Variants in PTH1R observed in about 807,000 individuals in gnomAD.
PTH1R encodes the protein parathyroid hormone/parathyroid hormone-related peptide receptor.
A neutral mutation model predicts 70.7 loss-of-function variants in PTH1R; 32 were observed. The ratio of observed to expected loss-of-function variants is 0.45; its 90% CI spans 0.34 to 0.61. The LOEUF (loss-of-function observed/expected upper bound fraction) is 0.61. PTH1R is among the 20% of genes least tolerant of loss of function. The pLI is 0.01. For synonymous variants in PTH1R, 329 were observed against 324.8 expected, an observed-to-expected ratio of 1.01 and a Z score of -0.14; for missense variants, 626 against 792.5, an observed-to-expected ratio of 0.79 and a Z score of 2.52.
In PTH1R at chr3:46,903,119, C is replaced by T; in HGVS notation, c.1396-151C>T. On this transcript the variant is annotated intron_variant, in intron 15 of 15. Transcript: ENST00000449590. This position sits in a 1 kb window ranked among gnomAD's most constrained non-coding sequence, Gnocchi z 4.4. Reference sequence around the variant, plus strand: ...GTGTCGGCTGCCTGTAGCCAAACACCCTGTTGTGAGGATGGGATTTCACTT... The same window carrying T: ...GTGTCGGCTGCCTGTAGCCAAACACTCTGTTGTGAGGATGGGATTTCACTT... 1 of 1,433,832 alleles carries T rather than the reference C, an allele frequency of 7.0e-7. No homozygotes were observed. The highest frequency in any genetic ancestry group is 9.5e-7 in the Non-Finnish European group (1 of 1,050,882). 88.8% of individuals were successfully genotyped at this position (1,433,832 alleles called of 1,614,324 possible).
At chr3:46,881,438 G>A (rs544749621) in intron 2 of PTH1R, among the ~76,000 whole-genome samples, 1 of 152,326 alleles carries the variant, frequency 6.6e-6, no homozygotes, top group African/African-American at 2.4e-5. Flanking sequence ...GCTTTTGGGA[G>A]TGGGGGTGGG....
chr3:46,902,060 C>T lies in PTH1R; in HGVS notation c.1211+200C>T, dbSNP rs1392886555. Reference sequence around the variant, plus strand: ...CCTAGGGCACCCCAAAGCCAGCCTGCCCACTTGTACCAGGCCCTGCACTAG... The same window carrying T: ...CCTAGGGCACCCCAAAGCCAGCCTGTCCACTTGTACCAGGCCCTGCACTAG... On this transcript the variant is annotated intron_variant, in intron 13 of 15. Coordinates refer to ENST00000449590, the MANE Select transcript of PTH1R (RefSeq NM_000316.3). This position sits in a 1 kb window ranked among gnomAD's most constrained non-coding sequence, Gnocchi z 5.4. Among the ~76,000 whole-genome samples, 2 of 152,214 alleles carry T rather than the reference C, an allele frequency of 1.3e-5. No individual in the cohort carries two copies. The highest frequency in any genetic ancestry group is 2.4e-5 in the African/African-American group (1 of 41,456).
intron 10 of PTH1R, 102 bp downstream of exon 10, chr3:46,899,558 C>A: frequency 6.9e-7 from 1 of 1,447,420 alleles, no homozygotes; most frequent in Non-Finnish European, 9.3e-7. Flanking sequence ...GCACATCCCG[C>A]CCCAAGTGGA....
At chr3:46,886,550 A>C (rs2031043153) in intron 3 of PTH1R, among the ~76,000 whole-genome samples, 1 of 151,926 alleles carries the variant, frequency 6.6e-6, no homozygotes, top group African/African-American at 2.4e-5. Context: ...GTAGAGATGG[A>C]GTTTCACCGT....
intron 3 of PTH1R, among the ~76,000 whole-genome samples, chr3:46,887,119 A>T (rs540864651): frequency 6.6e-6 from 1 of 152,162 alleles, no homozygotes; most frequent in African/African-American, 2.4e-5. Flanking sequence ...ACGTGCCTGT[A>T]ATCCCAGCTT....
At chr3:46,894,036 G>C (rs1408843589) in intron 4 of PTH1R, 27 bp downstream of exon 4, 1 of 1,610,310 alleles carries the variant, frequency 6.2e-7, no homozygotes, top group South Asian at 1.1e-5. Flanking sequence ...GAGGGTCTGG[G>C]GATGAGGTCA....
intron 3 of PTH1R, among the ~76,000 whole-genome samples, chr3:46,886,058 G>GGGAGCCT: frequency 6.6e-6 from 1 of 152,318 alleles, no homozygotes; most frequent in African/African-American, 2.4e-5. Context: ...ACAGTTACCT[G>GGGAGCCT]GGAGCCTGGA....
In PTH1R at chr3:46,884,468, C is replaced by T. The variant is rs1320291867; in HGVS notation, c.75+834C>T. On this transcript the variant is annotated intron_variant, in intron 3 of 15. Coordinates refer to ENST00000449590, the MANE Select transcript of PTH1R (RefSeq NM_000316.3). The surrounding 1 kb of genome is among the most constrained non-coding windows in gnomAD (Gnocchi z 4.8). Reference sequence around the variant, plus strand: ...CAGAAAGCTGGAGACACAGAGTGGGCAGCACCTCCTCCTCCTGGGCCAGGG... The same window carrying T: ...CAGAAAGCTGGAGACACAGAGTGGGTAGCACCTCCTCCTCCTGGGCCAGGG... Among the ~76,000 whole-genome samples the T allele has an allele frequency of 6.6e-6, 1 of 152,200 alleles. No individual in the cohort carries two copies. The highest frequency in any genetic ancestry group is 1.5e-5 in the Non-Finnish European group (1 of 68,030).
chr3:46,901,270 G>T lies in PTH1R; in HGVS notation c.1050-144G>T. The T allele has an allele frequency of 8.0e-7, 1 of 1,252,724 alleles. No homozygotes were observed. Among genetic ancestry groups the T allele is most frequent in the South Asian group, 1.3e-5 (1 of 77,840 alleles). 77.6% of individuals were successfully genotyped at this position (1,252,724 alleles called of 1,614,324 possible). ...AGGCTACTTCCAAAGAGGCCTGTGA[G>T]GGAGGCCTCAGGCCTGGCCACACCC... On this transcript the variant is annotated intron_variant, in intron 11 of 15. Transcript: ENST00000449590. The surrounding 1 kb of genome is among the most constrained non-coding windows in gnomAD (Gnocchi z 7.3).
chr3:46,903,392 C>A lies in PTH1R; in HGVS notation c.1518C>A (p.Thr506=), dbSNP rs1412636885. The A allele has an allele frequency of 6.2e-7, 1 of 1,613,518 alleles. No homozygotes were observed. The highest frequency in any genetic ancestry group is 1.1e-5 in the South Asian group (1 of 91,084). ...CCATGGTGTCCCACACAAGTGTGAC[C>A]AATGTCGGCCCCCGTGTGGGACTCG... The part of the protein sequence containing the change: ...YGPMVSHTSV[T]NVGPRVGLGL... The change falls in exon 16 of 16, where the codon ACC becomes ACA. Residue 506 remains threonine, a synonymous_variant. Transcript: ENST00000449590. This position sits in a 1 kb window ranked among gnomAD's most constrained non-coding sequence, Gnocchi z 4.4.
chr3:46,892,659 T>G lies in PTH1R; in HGVS notation c.76-1248T>G. ...CCGGCCTGCCCGCCCCTCTCGCCGG[T>G]GCCCGCCCCATGCCCGACCCGCCTT... On this transcript the variant is annotated intron_variant, in intron 3 of 15. Coordinates refer to ENST00000449590, the MANE Select transcript of PTH1R (RefSeq NM_000316.3). This position sits in a 1 kb window ranked among gnomAD's most constrained non-coding sequence, Gnocchi z 5.2. 4 of 856,796 alleles carry G rather than the reference T, an allele frequency of 4.7e-6. No homozygotes were observed. The highest frequency in any genetic ancestry group is 5.6e-6 in the Non-Finnish European group (4 of 711,636). 53.1% of individuals were successfully genotyped at this position (856,796 alleles called of 1,614,324 possible).
At position 46,894,006 on chromosome 3, in the gene PTH1R, C is replaced by T; in HGVS notation, c.175C>T (p.Pro59Ser). ...EKRLKEVLQR[P>S]ASIMESDKGW... ...ACGGCTCAAGGAGGTCCTGCAGAGG[C>T]CAGGTGGGGGTCAAAGGAAGAGGGT... is the stretch of plus-strand genomic sequence containing the variant. The change falls in exon 4 of 16, where the codon CCA (proline) becomes TCA (serine). Residue 59 changes from proline to serine, a missense_variant. Pro to Ser is a moderately conservative substitution (Grantham distance 74). Transcript: ENST00000449590. The T allele has an allele frequency of 1.2e-6, 2 of 1,613,850 alleles. No individual in the cohort carries two copies. Among genetic ancestry groups the T allele is most frequent in the Non-Finnish European group, 1.7e-6 (2 of 1,179,874 alleles).
At chr3:46,894,667 C>T (rs1431349883) in intron 4 of PTH1R, among the ~76,000 whole-genome samples, 2 of 152,074 alleles carry the variant, frequency 1.3e-5, no homozygotes, top group African/African-American at 4.8e-5. Flanking sequence ...TACCCACATC[C>T]CCACACTGAG....
Position 46,893,299 on chromosome 3 carries a change from C to T in PTH1R, c.76-608C>T, listed in dbSNP as rs984333028. ...CCAGCACCAGAGTGCCCAGCCCAAC[C>T]CAGGCCGCATGCCAACAGTTCCTCC... On this transcript the variant is annotated intron_variant, in intron 3 of 15. Transcript: ENST00000449590. This position sits in a 1 kb window ranked among gnomAD's most constrained non-coding sequence, Gnocchi z 5.2. Among the ~76,000 whole-genome samples the T allele has an allele frequency of 1.3e-5, 2 of 152,166 alleles. No individual in the cohort carries two copies. Among genetic ancestry groups the T allele is most frequent in the African/African-American group, 4.8e-5 (2 of 41,432 alleles).
At position 46,877,770 on chromosome 3, in the gene PTH1R, C is replaced by T. The variant is rs2030313718; in HGVS notation, c.-179C>T. The T allele has an allele frequency of 6.6e-6, 1 of 152,282 alleles. No homozygotes were observed. Among genetic ancestry groups the T allele is most frequent in the Admixed American group, 6.5e-5 (1 of 15,286 alleles). 9.4% of individuals were successfully genotyped at this position (152,282 alleles called of 1,614,324 possible). On this transcript the variant is annotated 5_prime_UTR_variant, in exon 1 of 16. Transcript: ENST00000449590. ...GCCACAGAAGCTGCTCAGGGACTAT[C>T]CATGGCCTCCCCGTGGCCAACTTGA...
chr3:46,903,502 C>T lies in PTH1R; in HGVS notation c.1628C>T (p.Pro543Leu). The T allele has an allele frequency of 6.2e-7, 1 of 1,613,940 alleles. No homozygotes were observed. The change falls in exon 16 of 16, where the codon CCA becomes CTA. Residue 543 changes from proline (P) to leucine (L), a missense_variant. By Grantham distance (98) the Pro-to-Leu change is moderately conservative (BLOSUM62 -3). Around this residue, in one of 3 missense-constraint regions of PTH1R, gnomAD observed 495 missense variants for 638.7 expected, o/e 0.77. Transcript: ENST00000449590. The surrounding 1 kb of genome is among the most constrained non-coding windows in gnomAD (Gnocchi z 4.4). ...CCTGGCCATGCCAAGCCAGGGACCC[C>T]AGCCCTGGAGACCCTCGAGACCACA... ...QLPGHAKPGT[P>L]ALETLETTPP...
chr3:46,894,681 C>T (rs964803654), intron 4 of PTH1R, among the ~76,000 whole-genome samples: 5 of 152,052 alleles, frequency 3.3e-5, no homozygotes, highest in African/African-American at 9.7e-5. Flanking sequence ...CACTGAGGCC[C>T]GAGGGTGGAG....
At chr3:46,887,849 T>A (rs2031135851) in intron 3 of PTH1R, among the ~76,000 whole-genome samples, 1 of 152,208 alleles carries the variant, frequency 6.6e-6, no homozygotes, top group African/African-American at 2.4e-5. Context: ...TACATTTAGA[T>A]CATTTCTGCA....
At chr3:46,886,546 A>T (rs2031042658) in intron 3 of PTH1R, among the ~76,000 whole-genome samples, 1 of 151,986 alleles carries the variant, frequency 6.6e-6, no homozygotes, top group Admixed American at 6.5e-5. Context: ...TTTAGTAGAG[A>T]TGGAGTTTCA....
Sources: gnomAD v4.1 joint callset for allele counts (sites outside exome capture counted in the v4.1 genomes callset) on GRCh38, gnomAD v4.1.1 for gene constraint, gnomAD v4.1.1 regional missense constraint, Gnocchi (gnomAD v3.1) non-coding constraint, MANE v1.5 for transcripts, NCBI Gene and HGNC (gene_info 2026-07-23, HGNC 2026-07-21) for gene names.